WDFY4: variants seen among roughly 807,000 people sequenced by gnomAD.
WDFY4 encodes the protein WDFY family member 4, also known as WD repeat- and FYVE domain-containing protein 4.
Under a neutral mutation model 351.9 loss-of-function variants are expected in WDFY4, and 169 were observed. That is an observed-to-expected ratio of 0.48 (90% CI 0.42 to 0.55). The LOEUF is 0.55. Ranked by LOEUF, WDFY4 falls within the 20% of genes least tolerant of loss-of-function variation. The probability of loss-of-function intolerance (pLI) is 0.00; values close to 1 mark genes in which losing one functional copy is unlikely to be tolerated. For missense variants in WDFY4, 3,803 were observed against 3,935.6 expected (o/e 0.97, Z 0.90); for synonymous variants, 1,622 against 1,574.6 (o/e 1.03, Z -0.71).
chr10:48,960,083 G>A (rs986464146), intron 53 of WDFY4, among the ~76,000 whole-genome samples: 2 of 152,206 alleles, frequency 1.3e-5, no homozygotes, highest in Non-Finnish European at 2.9e-5. Context: ...TGGAGGGCAG[G>A]TCAGTGTCCT....
At chr10:48,800,820 A>G (rs558479035) in intron 24 of WDFY4, among the ~76,000 whole-genome samples, 1 of 144,990 alleles carries the variant, frequency 6.9e-6, no homozygotes, top group African/African-American at 2.6e-5. Context: ...GCAACCTCTG[A>G]CTCCCAGGTT....
Position 48,869,873 on chromosome 10 carries a change from C to T in WDFY4, c.6741+2531C>T, listed in dbSNP as rs1046186598. On this transcript the variant is annotated intron_variant, in intron 40 of 61. Coordinates refer to ENST00000325239, the MANE Select transcript of WDFY4 (RefSeq NM_001394531.1). ...TCTTGTTCAGTCTCTATCTACTCAT[C>T]GAGTATTTATCACAGCTCTGTCAGT... Among the ~76,000 whole-genome samples, 24 of 152,272 alleles carry T rather than the reference C, an allele frequency of 1.6e-4. 1 individual carries two copies. The highest frequency in any genetic ancestry group is 1.2e-3 in the Admixed American group (19 of 15,298).
intron 47 of WDFY4, among the ~76,000 whole-genome samples, chr10:48,914,384 T>A (rs372244999): frequency 2.8e-4 from 42 of 152,324 alleles, no homozygotes; most frequent in Admixed American, 2.5e-3. Flanking sequence ...CAGCCATAGA[T>A]TGTCAGCAAA....
At chr10:48,911,071 T>C (rs76454750) in intron 47 of WDFY4, 3,844 of 217,930 alleles carry the variant, frequency 0.018, 47 homozygotes, top group Middle Eastern at 0.041. Context: ...TCTATACCTT[T>C]TGGGTCAGAG....
intron 12 of WDFY4, among the ~76,000 whole-genome samples, chr10:48,748,538 C>T (rs1395975779): frequency 2.0e-5 from 3 of 152,152 alleles, no homozygotes; most frequent in Non-Finnish European, 4.4e-5. Context: ...ATGTCTGACA[C>T]GACAGCCTGC....
chr10:48,908,078 T>G (rs1486824855), intron 47 of WDFY4, among the ~76,000 whole-genome samples: 4 of 152,260 alleles, frequency 2.6e-5, no homozygotes, highest in Non-Finnish European at 5.9e-5. Flanking sequence ...CATGTTCATC[T>G]TTGTCTGGCT....
At position 48,709,848 on chromosome 10, in the gene WDFY4, G is replaced by T. The variant is rs1477300408; in HGVS notation, c.116G>T (p.Ser39Ile). 3.2e-6 allele frequency: 5 copies of T among 1,551,788 alleles called. No homozygotes were observed. The highest frequency in any genetic ancestry group is 3.5e-6 in the Non-Finnish European group (4 of 1,147,046). Reference protein sequence around the residue: ...PDVPHGGQSSSPTALWDMLER... With the variant: ...PDVPHGGQSSIPTALWDMLER... ...GTCCCACATGGAGGGCAGTCCTCCA[G>T]CCCCACAGCTCTCTGGGACATGCTG... The change falls in exon 2 of 62, where the codon AGC (serine) becomes ATC (isoleucine). Residue 39 changes from serine (S) to isoleucine (I), a missense_variant. Transcript: ENST00000325239.
At chr10:48,907,983 A>T (rs1206760039) in intron 47 of WDFY4, among the ~76,000 whole-genome samples, 1 of 152,214 alleles carries the variant, frequency 6.6e-6, no homozygotes, top group Non-Finnish European at 1.5e-5. Context: ...GAGCTTGTTC[A>T]CACATTTGGC....
At chr10:48,895,018 T>C (rs1837001306) in intron 44 of WDFY4, among the ~76,000 whole-genome samples, 1 of 152,190 alleles carries the variant, frequency 6.6e-6, no homozygotes. Flanking sequence ...GTTTGATCCA[T>C]CCTACCACAA....
chr10:48,916,229 G>A (rs1446844988), intron 47 of WDFY4, among the ~76,000 whole-genome samples: 1 of 152,162 alleles, frequency 6.6e-6, no homozygotes, highest in African/African-American at 2.4e-5. Flanking sequence ...CTCAAGGGCA[G>A]CCCAGAACAC....
In WDFY4 at chr10:48,901,916, T is replaced by G; in HGVS notation, c.7586+53T>G. The G allele has an allele frequency of 3.4e-6, 5 of 1,489,204 alleles. No homozygotes were observed. The South Asian group carries it at 3.6e-5, about 11-fold the overall frequency. 92.2% of individuals were successfully genotyped at this position (1,489,204 alleles called of 1,614,324 possible). A position where few individuals can be genotyped will look rare whatever the true frequency, so the allele number is the denominator to read the frequency against. ...GCATGGCACTGCCCTGGCTTTGATG[T>G]TCCTCCTCTGCCTCATCCCACTCTA... is the stretch of plus-strand genomic sequence containing the variant. On this transcript the variant is annotated intron_variant, in intron 47 of 61. Coordinates refer to ENST00000325239, the MANE Select transcript of WDFY4 (RefSeq NM_001394531.1).
chr10:48,934,589 A>C (rs190789985), intron 47 of WDFY4, among the ~76,000 whole-genome samples: 1 of 152,314 alleles, frequency 6.6e-6, no homozygotes, highest in Admixed American at 6.5e-5. Context: ...GGGCTTAACC[A>C]CTTATTAGTG....
At chr10:48,971,219 G>A (rs1397264128) in intron 57 of WDFY4, among the ~76,000 whole-genome samples, 2 of 152,266 alleles carry the variant, frequency 1.3e-5, no homozygotes, top group East Asian at 3.9e-4. Context: ...AAAATAAGCT[G>A]TACAAAATCA....
rs970126805 is a variant in WDFY4, at chr10:48,823,795, A to T, written c.5982+1258A>T. Reference sequence around the variant, plus strand: ...TGAGGGCTCGGCTCCCCACATATCCACCAGCCTCCTCTCTTGCTTGCTGTC... The same window carrying T: ...TGAGGGCTCGGCTCCCCACATATCCTCCAGCCTCCTCTCTTGCTTGCTGTC... On this transcript the variant is annotated intron_variant, in intron 35 of 61. Transcript: ENST00000325239. 1.3e-5 allele frequency: 13 copies of T among 988,714 alleles called. No homozygotes were observed. The Admixed American group carries it at 4.1e-4, about 31-fold the overall frequency. The allele number at this position is 988,714 out of a possible 1,614,324, so 61.2% of individuals were successfully genotyped here.
At chr10:48,759,819 T>C (rs976712376) in intron 12 of WDFY4, among the ~76,000 whole-genome samples, 3 of 152,214 alleles carry the variant, frequency 2.0e-5, no homozygotes, top group African/African-American at 7.2e-5. Context: ...TGCCAGTTCA[T>C]AGTGCTTGAG....
At chr10:48,918,750 G>A (rs914212005) in intron 47 of WDFY4, among the ~76,000 whole-genome samples, 1 of 68,062 alleles carries the variant, frequency 1.5e-5, no homozygotes, top group Non-Finnish European at 3.9e-5. Flanking sequence ...TTGTCAGCAG[G>A]GGGTAGGATG....
chr10:48,935,738 T>C (rs1055341806), intron 47 of WDFY4, among the ~76,000 whole-genome samples: 1 of 152,250 alleles, frequency 6.6e-6, no homozygotes, highest in African/African-American at 2.4e-5. Context: ...CCTGTAATCA[T>C]ATTCTCTTAC....
intron 31 of WDFY4, among the ~76,000 whole-genome samples, chr10:48,814,813 A>G (rs1306525383): frequency 6.6e-6 from 1 of 152,256 alleles, no homozygotes; most frequent in East Asian, 1.9e-4. Flanking sequence ...CCACCCAAAA[A>G]TGAGCACTGT....
At chr10:48,934,452 A>C (rs896400209) in intron 47 of WDFY4, among the ~76,000 whole-genome samples, 1 of 152,178 alleles carries the variant, frequency 6.6e-6, no homozygotes, top group Non-Finnish European at 1.5e-5. Flanking sequence ...ACTTGTGTGG[A>C]GTCACAAAGA....
Sources: allele counts gnomAD v4.1 joint callset (sites outside exome capture counted in the v4.1 genomes callset), GRCh38; gene constraint gnomAD v4.1.1; transcripts MANE v1.5; gene names NCBI Gene and HGNC (gene_info 2026-07-23, HGNC 2026-07-21).